Variants in CNTNAP2 observed in about 807,000 individuals in gnomAD.
The protein encoded by CNTNAP2 is contactin associated protein 2, also known as contactin-associated protein-like 2.
Under a neutral mutation model 155.2 loss-of-function variants are expected in CNTNAP2, and 98 were observed. The observed-to-expected ratio is 0.63, with a 90% CI of 0.54 to 0.75. The LOEUF is 0.75. Ranked by LOEUF, CNTNAP2 falls within the 30% of genes least tolerant of loss-of-function variation. The probability of loss-of-function intolerance (pLI) is 0.00; values close to 1 mark genes in which losing one functional copy is unlikely to be tolerated. For missense variants in CNTNAP2, 1,727 were observed against 1,688.1 expected, an observed-to-expected ratio of 1.02 and a Z score of -0.40; for synonymous variants, 651 against 631.2, an observed-to-expected ratio of 1.03 and a Z score of -0.47.
At chr7:148,081,299 A>C (rs187578244) in intron 15 of CNTNAP2, among the ~76,000 whole-genome samples, 5 of 152,188 alleles carry the variant, frequency 3.3e-5, no homozygotes, top group Admixed American at 2.0e-4. Flanking sequence ...ACGTGATTGG[A>C]TTGAAGGATG....
chr7:147,140,471 CT>C (rs2129287140), intron 8 of CNTNAP2, among the ~76,000 whole-genome samples: 1 of 152,108 alleles, frequency 6.6e-6, no homozygotes, highest in East Asian at 1.9e-4. Flanking sequence ...TCATAACTTC[CT>C]CTTGCCTATG....
intron 3 of CNTNAP2, among the ~76,000 whole-genome samples, chr7:147,031,119 T>C (rs895010080): frequency 2.0e-5 from 3 of 152,174 alleles, no homozygotes; most frequent in African/African-American, 7.2e-5. Context: ...ATTGATAATG[T>C]TAGATTTGTA....
chr7:147,849,588 C>T (rs572824063), intron 13 of CNTNAP2, among the ~76,000 whole-genome samples: 18 of 152,248 alleles, frequency 1.2e-4, no homozygotes, highest in African/African-American at 4.3e-4. Flanking sequence ...GATAAGTATC[C>T]ACAGGACACC....
chr7:146,649,287 T>G (rs1337259388), intron 1 of CNTNAP2, among the ~76,000 whole-genome samples: 1 of 152,114 alleles, frequency 6.6e-6, no homozygotes, highest in African/African-American at 2.4e-5. Flanking sequence ...GAACCAAGTT[T>G]TATTGATCAA....
At chr7:147,285,132 A>G (rs1276245099) in intron 8 of CNTNAP2, among the ~76,000 whole-genome samples, 2 of 151,956 alleles carry the variant, frequency 1.3e-5, no homozygotes, top group Non-Finnish European at 2.9e-5. Context: ...TATGCAATTT[A>G]TAAAGCAATT....
intron 12 of CNTNAP2, among the ~76,000 whole-genome samples, chr7:147,592,869 T>G (rs1244935469): frequency 6.6e-6 from 1 of 152,174 alleles, no homozygotes; most frequent in Non-Finnish European, 1.5e-5. Flanking sequence ...AAGCCAAAAT[T>G]ATCTATTGCT....
At position 147,847,962 on chromosome 7, in the gene CNTNAP2, C is replaced by T. The variant is rs1018850799; in HGVS notation, c.2099-55603C>T. ...GGAGGCAGTCTGCCCGTTCTCAGATCGCCAGCTGCGTGCTGGGAGAACCAC... is the reference window on the plus strand; with the variant it reads ...GGAGGCAGTCTGCCCGTTCTCAGATTGCCAGCTGCGTGCTGGGAGAACCAC... On this transcript the variant is annotated intron_variant, in intron 13 of 23. Transcript: ENST00000361727. Among the ~76,000 whole-genome samples the T allele has an allele frequency of 7.5e-5, 10 of 133,420 alleles. 1 individual carries two copies. The highest frequency in any genetic ancestry group is 2.3e-4 in the East Asian group (1 of 4,432). 87.5% of individuals were successfully genotyped at this position (133,420 alleles called of 152,430 possible).
chr7:147,476,601 T>C (rs893564755), intron 10 of CNTNAP2, among the ~76,000 whole-genome samples: 1 of 151,918 alleles, frequency 6.6e-6, no homozygotes, highest in Admixed American at 6.6e-5. Context: ...CATAAACTTT[T>C]CCTAGTCTGC....
intron 3 of CNTNAP2, among the ~76,000 whole-genome samples, chr7:147,041,637 C>G (rs1448653438): frequency 6.6e-6 from 1 of 152,186 alleles, no homozygotes; most frequent in Non-Finnish European, 1.5e-5. Flanking sequence ...TTACGTAATG[C>G]ACTTCCATAG....
chr7:148,342,299 G>T (rs776130163), intron 21 of CNTNAP2, among the ~76,000 whole-genome samples: 1 of 152,120 alleles, frequency 6.6e-6, no homozygotes, highest in East Asian at 1.9e-4. Flanking sequence ...CTGAAAACTG[G>T]CCTCGAATTT....
chr7:146,345,439 G>A (rs1283760515), intron 1 of CNTNAP2, among the ~76,000 whole-genome samples: 1 of 152,110 alleles, frequency 6.6e-6, no homozygotes, highest in Non-Finnish European at 1.5e-5. Flanking sequence ...TGTTGTTGAC[G>A]TCTCTTCAAT....
intron 1 of CNTNAP2, among the ~76,000 whole-genome samples, chr7:146,376,955 C>T (rs1207476789): frequency 3.3e-5 from 5 of 152,138 alleles, no homozygotes; most frequent in Admixed American, 1.3e-4. Flanking sequence ...TGGGTTCTCC[C>T]CAGACATTAA....
chr7:146,188,680 A>T (rs752893482), intron 1 of CNTNAP2, among the ~76,000 whole-genome samples: 1 of 152,174 alleles, frequency 6.6e-6, no homozygotes, highest in African/African-American at 2.4e-5. Context: ...CTCAGCATGA[A>T]ATTTGAAATG....
intron 1 of CNTNAP2, among the ~76,000 whole-genome samples, chr7:146,482,392 GT>G (rs1796974623): frequency 7.2e-6 from 1 of 138,542 alleles, no homozygotes; most frequent in Non-Finnish European, 1.5e-5. Flanking sequence ...GTATGTGTGT[GT>G]GTGTATTATA....
At chr7:148,223,701 TATAAATTTA>T (rs1795791761) in intron 19 of CNTNAP2, among the ~76,000 whole-genome samples, 1 of 152,240 alleles carries the variant, frequency 6.6e-6, no homozygotes. Flanking sequence ...AGTCACTATA[TATAAATTTA>T]AAGTTCCAAC....
At chr7:148,062,005 A>G (rs1005524744) in intron 15 of CNTNAP2, among the ~76,000 whole-genome samples, 2 of 79,138 alleles carry the variant, frequency 2.5e-5, no homozygotes, top group Non-Finnish European at 4.8e-5. Context: ...ATAGATAGAT[A>G]GATGATAGAG....
At chr7:146,751,932 A>G (rs963224677) in intron 1 of CNTNAP2, among the ~76,000 whole-genome samples, 3 of 152,010 alleles carry the variant, frequency 2.0e-5, no homozygotes, top group African/African-American at 7.3e-5. Context: ...AGCTTCATCC[A>G]TGTCTCTTCA....
chr7:147,944,929 G>A (rs1047087750), intron 14 of CNTNAP2, among the ~76,000 whole-genome samples: 5 of 152,130 alleles, frequency 3.3e-5, no homozygotes, highest in Admixed American at 6.5e-5. Flanking sequence ...GCACTGCTTA[G>A]AACTAGAAAT....
rs10544219 is a variant in CNTNAP2, at chr7:147,486,889, C to CTGTGTG, written c.1777+870_1777+875dup. ...GGTTAGTGTGTGCATACGTATGTGCCTGTGTGTGTGTGTGTGTGTGTGTGT... is the reference window on the plus strand; with the variant it reads ...GGTTAGTGTGTGCATACGTATGTGCCTGTGTGTGTGTGTGTGTGTGTGTGTGTGTGT... On this transcript the variant is annotated intron_variant, in intron 11 of 23. Transcript: ENST00000361727. 5.7e-4 allele frequency among the ~76,000 whole-genome samples: 84 copies of CTGTGTG among 146,940 alleles called. 2 individuals carry two copies. The highest frequency in any genetic ancestry group is 3.5e-3 in the East Asian group (17 of 4,904).
Sources: allele counts gnomAD v4.1 joint callset (sites outside exome capture counted in the v4.1 genomes callset), GRCh38; gene constraint gnomAD v4.1.1; transcripts MANE v1.5; gene names NCBI Gene and HGNC (gene_info 2026-07-23, HGNC 2026-07-21).